TRABD2B: variants seen among roughly 807,000 people sequenced by gnomAD.
The protein encoded by TRABD2B is TraB domain containing 2B.
In TRABD2B, 14 loss-of-function variants were observed where a neutral mutation model predicts 40.1. The ratio of observed to expected loss-of-function variants is 0.35; its 90% confidence interval spans 0.23 to 0.55. The LOEUF is 0.55. Ranked by LOEUF, TRABD2B falls within the 20% of genes least tolerant of loss-of-function variation. The probability of loss-of-function intolerance (pLI) is 0.90; values close to 1 mark genes in which losing one functional copy is unlikely to be tolerated. For missense variants in TRABD2B, 541 were observed against 648.6 expected (o/e 0.83, Z 1.80); for synonymous variants, 263 against 277.0 (o/e 0.95, Z 0.50).
chr1:47,990,652 T>C (rs191638896), intron 2 of TRABD2B, among the ~76,000 whole-genome samples: 1,535 of 151,060 alleles, frequency 0.01, 15 homozygotes, highest in Non-Finnish European at 0.016. Context: ...TATCTTCTCA[T>C]GTCCCCACAA....
chr1:47,949,712 A>G (rs1645314054), intron 2 of TRABD2B, among the ~76,000 whole-genome samples: 1 of 151,830 alleles, frequency 6.6e-6, no homozygotes, highest in Admixed American at 6.6e-5. Flanking sequence ...CCAGCCTATG[A>G]TTGTACTTTC....
Position 47,863,170 on chromosome 1 carries a change from T to C in TRABD2B, c.667-61551A>G, listed in dbSNP as rs79888099. On this transcript the variant is annotated intron_variant, in intron 2 of 6. Transcript: ENST00000606738. ...TTCAGTTTGGTGGTGACTTTTTAGA[T>C]AGGACACCAAAGCATGATCCATGAA... Among the ~76,000 whole-genome samples, 949 of 151,636 alleles carry C rather than the reference T, an allele frequency of 6.3e-3. 12 individuals carry two copies. The highest frequency in any genetic ancestry group is 0.021 in the African/African-American group (886 of 41,364).
At chr1:47,968,132 C>T (rs1053550584) in intron 2 of TRABD2B, among the ~76,000 whole-genome samples, 3 of 152,230 alleles carry the variant, frequency 2.0e-5, no homozygotes, top group African/African-American at 7.2e-5. Flanking sequence ...ACTAGAGATA[C>T]TTACATTACC....
intron 4 of TRABD2B, among the ~76,000 whole-genome samples, chr1:47,780,228 T>C (rs1644502464): frequency 6.6e-6 from 1 of 152,194 alleles, no homozygotes; most frequent in Non-Finnish European, 1.5e-5. Flanking sequence ...GGCTCTAGTC[T>C]GGCAACCACC....
intron 2 of TRABD2B, among the ~76,000 whole-genome samples, chr1:47,830,981 G>C (rs781405254): frequency 2.6e-5 from 4 of 152,222 alleles, no homozygotes; most frequent in Non-Finnish European, 2.9e-5. Context: ...AGAGATGTTT[G>C]CTCAGAGAAA....
chr1:47,882,823 A>G (rs1025753846), intron 2 of TRABD2B, among the ~76,000 whole-genome samples: 4 of 152,040 alleles, frequency 2.6e-5, no homozygotes, highest in African/African-American at 9.7e-5. Context: ...AGGAACGAGG[A>G]AGGTAACAGT....
At chr1:47,937,582 T>G (rs2148354026) in intron 2 of TRABD2B, among the ~76,000 whole-genome samples, 1 of 152,268 alleles carries the variant, frequency 6.6e-6, no homozygotes, top group African/African-American at 2.4e-5. Context: ...TCAGGGTGAC[T>G]TAGAGAGTCA....
intron 2 of TRABD2B, chr1:47,818,926 C>T (rs1347735093): frequency 1.3e-5 from 2 of 152,312 alleles, no homozygotes; most frequent in Admixed American, 6.5e-5. Context: ...GTCTGGCCAT[C>T]TCCCAATTTG....
intron 2 of TRABD2B, among the ~76,000 whole-genome samples, chr1:47,863,827 C>G (rs139881166): frequency 6.6e-6 from 1 of 152,042 alleles, no homozygotes; most frequent in African/African-American, 2.4e-5. Context: ...TCATAATTGA[C>G]GGAACTTGGA....
chr1:47,995,501 C>CGTGTGT (rs10577035), intron 1 of TRABD2B, among the ~76,000 whole-genome samples: 1 of 149,880 alleles, frequency 6.7e-6, no homozygotes. Flanking sequence ...AGTGTGTGTG[C>CGTGTGT]GTGTGTGTGT....
chr1:47,963,326 C>T (rs1377187098), intron 2 of TRABD2B, among the ~76,000 whole-genome samples: 1 of 152,196 alleles, frequency 6.6e-6, no homozygotes, highest in Non-Finnish European at 1.5e-5. Context: ...CTGCTAGCCC[C>T]ATCCCCAGGT....
At chr1:47,840,050 G>A (rs562288909) in intron 2 of TRABD2B, among the ~76,000 whole-genome samples, 77 of 152,272 alleles carry the variant, frequency 5.1e-4, no homozygotes, top group African/African-American at 1.9e-3. Flanking sequence ...CTGTTCTGGG[G>A]CCTGGGGTGC....
intron 2 of TRABD2B, among the ~76,000 whole-genome samples, chr1:47,887,236 C>T (rs1557637240): frequency 6.6e-6 from 1 of 152,174 alleles, no homozygotes; most frequent in African/African-American, 2.4e-5. Context: ...CATTCTGCAA[C>T]ATAGCAACTG....
At chr1:47,983,129 G>A (rs1645864959) in intron 2 of TRABD2B, among the ~76,000 whole-genome samples, 1 of 152,130 alleles carries the variant, frequency 6.6e-6, no homozygotes, top group Non-Finnish European at 1.5e-5. Context: ...GTACATACAT[G>A]CCATGGAATA....
At chr1:47,926,156 A>C (rs539552666) in intron 2 of TRABD2B, among the ~76,000 whole-genome samples, 3 of 152,326 alleles carry the variant, frequency 2.0e-5, no homozygotes, top group Non-Finnish European at 4.4e-5. Context: ...TTTTAGGTAA[A>C]TCATATGTTA....
intron 2 of TRABD2B, among the ~76,000 whole-genome samples, chr1:47,893,384 T>C (rs892896996): frequency 6.6e-5 from 10 of 152,180 alleles, no homozygotes; most frequent in Non-Finnish European, 1.5e-4. Flanking sequence ...AAGAACATCC[T>C]TTGAGATCAG....
chr1:47,967,058 T>C (rs1216842080), intron 2 of TRABD2B, among the ~76,000 whole-genome samples: 1 of 152,174 alleles, frequency 6.6e-6, no homozygotes, highest in Non-Finnish European at 1.5e-5. Context: ...TTAAATCCCC[T>C]TGACCATGTG....
intron 2 of TRABD2B, among the ~76,000 whole-genome samples, chr1:47,857,353 C>T (rs565341031): frequency 6.6e-6 from 1 of 152,262 alleles, no homozygotes; most frequent in Admixed American, 6.5e-5. Flanking sequence ...GCAGGTGCTC[C>T]TGTTTAGGCA....
Position 47,987,194 on chromosome 1 carries a change from C to T in TRABD2B, c.666+6840G>A, listed in dbSNP as rs144547779. On this transcript the variant is annotated intron_variant, in intron 2 of 6. Coordinates refer to ENST00000606738, the MANE Select transcript of TRABD2B (RefSeq NM_001194986.2). The stretch of plus-strand genomic sequence containing the variant: ...CTCTGCTTGGCCTGGGATTGGAGAG[C>T]GGGTTGGGGGAAGATCAGACAATAT... Among the ~76,000 whole-genome samples the T allele has an allele frequency of 1.2e-3, 177 of 152,084 alleles. 3 individuals carry two copies. The East Asian group carries it at 0.028, about 24-fold the overall frequency.
Sources: allele counts gnomAD v4.1 joint callset (sites outside exome capture counted in the v4.1 genomes callset), GRCh38; gene constraint gnomAD v4.1.1; transcripts MANE v1.5; gene names NCBI Gene and HGNC (gene_info 2026-07-23, HGNC 2026-07-21).